HTT-AS: variants seen among roughly 807,000 people sequenced by gnomAD.
The protein encoded by HTT-AS is HTT antisense RNA (head to head).
At chr4:3,064,870 T>TTGTGAA (rs1366875148) in intron 1 of HTT-AS, among the ~76,000 whole-genome samples, 1 of 141,890 alleles carries the variant, frequency 7.0e-6, no homozygotes, top group African/African-American at 2.9e-5. Flanking sequence ...CCAATCTCTT[T>TTGTGAA]TATGAATACA....
intron 2 of HTT-AS, among the ~76,000 whole-genome samples, chr4:3,055,484 G>A (rs112429770): frequency 3.9e-5 from 6 of 152,160 alleles, no homozygotes; most frequent in African/African-American, 9.7e-5. Context: ...TTTGGATTGC[G>A]ATAGTAACTA....
chr4:3,071,878 C>T (rs951986441), intron 1 of HTT-AS, among the ~76,000 whole-genome samples: 1 of 152,108 alleles, frequency 6.6e-6, no homozygotes, highest in African/African-American at 2.4e-5. Context: ...CTTGCCAACA[C>T]CTTCATCTCG....
At chr4:3,070,773 C>T (rs114018464) in intron 1 of HTT-AS, among the ~76,000 whole-genome samples, 107 of 152,234 alleles carry the variant, frequency 7.0e-4, no homozygotes, top group African/African-American at 2.3e-3. Flanking sequence ...CTCCTTCTGC[C>T]CAGCATCTAT....
chr4:3,049,898 G>A (rs13144633), intron 2 of HTT-AS, among the ~76,000 whole-genome samples: 1 of 143,186 alleles, frequency 7.0e-6, no homozygotes, highest in Non-Finnish European at 1.5e-5. Context: ...TTAGCAATTT[G>A]TAAGTTATCA....
intron 1 of HTT-AS, among the ~76,000 whole-genome samples, chr4:3,072,232 C>T (rs1712189861): frequency 6.6e-6 from 1 of 152,248 alleles, no homozygotes; most frequent in African/African-American, 2.4e-5. Flanking sequence ...TGGCAGGATC[C>T]AGTTCCTCAT....
chr4:3,055,722 C>T (rs1252944573), intron 2 of HTT-AS, among the ~76,000 whole-genome samples: 2 of 152,126 alleles, frequency 1.3e-5, no homozygotes, highest in South Asian at 2.1e-4. Context: ...GCTCAGCTTC[C>T]CTTGATTAAT....
At chr4:3,052,571 G>T (rs1176368038) in intron 2 of HTT-AS, among the ~76,000 whole-genome samples, 1 of 152,182 alleles carries the variant, frequency 6.6e-6, no homozygotes, top group Non-Finnish European at 1.5e-5. Flanking sequence ...GGGGGTATCA[G>T]AAATTACTTC....
chr4:3,056,701 C>T (rs191076869), intron 2 of HTT-AS, among the ~76,000 whole-genome samples: 4 of 152,180 alleles, frequency 2.6e-5, no homozygotes, highest in Non-Finnish European at 5.9e-5. Flanking sequence ...TTTCTTTTGG[C>T]AAACAATTTC....
chr4:3,065,641 A>G (rs1712033527), intron 1 of HTT-AS, among the ~76,000 whole-genome samples: 1 of 152,148 alleles, frequency 6.6e-6, no homozygotes, highest in African/African-American at 2.4e-5. Context: ...AACCTACCAA[A>G]CATCATAGCT....
At chr4:3,049,947 CAT>C (rs1409520763) in intron 2 of HTT-AS, among the ~76,000 whole-genome samples, 34 of 127,874 alleles carry the variant, frequency 2.7e-4, no homozygotes, top group East Asian at 4.3e-4. Context: ...CACACACACA[CAT>C]ATACACTTTT....
intron 2 of HTT-AS, among the ~76,000 whole-genome samples, chr4:3,051,788 G>C (rs1424918767): frequency 6.7e-6 from 1 of 149,310 alleles, no homozygotes; most frequent in African/African-American, 2.6e-5. Flanking sequence ...GTGATAAAAA[G>C]GGGCGCCTTA....
intron 1 of HTT-AS, among the ~76,000 whole-genome samples, chr4:3,064,107 T>TTTTG (rs1325653663): frequency 6.6e-6 from 1 of 150,948 alleles, no homozygotes; most frequent in African/African-American, 2.4e-5. Context: ...TTTTTTTTTT[T>TTTTG]TTTTTTGAGA....
At chr4:3,051,918 CTTGTT>C (rs1453509849) in intron 2 of HTT-AS, among the ~76,000 whole-genome samples, 1 of 152,154 alleles carries the variant, frequency 6.6e-6, no homozygotes, top group African/African-American at 2.4e-5. Flanking sequence ...AGGTCTCCAT[CTTGTT>C]TTAAGTCTTT....
At chr4:3,051,084 T>TC (rs2110120059) in intron 2 of HTT-AS, among the ~76,000 whole-genome samples, 1 of 96,358 alleles carries the variant, frequency 1.0e-5, no homozygotes, top group South Asian at 3.7e-4. Context: ...GTGTGTGTTT[T>TC]AGATGGAGTT....
intron 1 of HTT-AS, among the ~76,000 whole-genome samples, chr4:3,073,469 C>T (rs887835488): frequency 2.1e-4 from 32 of 152,378 alleles, no homozygotes; most frequent in African/African-American, 7.0e-4. Context: ...CCTTGGGGGT[C>T]CTGCCGGAAG....
At chr4:3,047,344 CAAA>C (rs1449726238), downstream of HTT-AS, among the ~76,000 whole-genome samples, 2 of 152,004 alleles carry the variant, frequency 1.3e-5, no homozygotes, top group Admixed American at 6.5e-5. Context: ...CAAAACAAAA[CAAA>C]AAGAATAGTT....
chr4:3,059,392 GT>G (rs994371368), intron 2 of HTT-AS, among the ~76,000 whole-genome samples: 10 of 148,264 alleles, frequency 6.7e-5, no homozygotes, highest in South Asian at 2.1e-4. Flanking sequence ...TTTGTGAATT[GT>G]TTTTTTTTTC....
intron 1 of HTT-AS, among the ~76,000 whole-genome samples, chr4:3,065,190 C>T (rs7679861): frequency 0.027 from 4,054 of 151,856 alleles, 146 homozygotes; most frequent in African/African-American, 0.089. Flanking sequence ...TAAGGGCACA[C>T]GCTGGAGGGA....
chr4:3,059,830 C>A (rs780868913), intron 2 of HTT-AS, among the ~76,000 whole-genome samples: 9 of 152,138 alleles, frequency 5.9e-5, no homozygotes, highest in Non-Finnish European at 1.3e-4. Flanking sequence ...GCCTTGGCCT[C>A]CCAAAATGCT....
Sources: allele counts gnomAD v4.1 joint callset (sites outside exome capture counted in the v4.1 genomes callset), GRCh38; gene constraint gnomAD v4.1.1; transcripts MANE v1.5; gene names NCBI Gene and HGNC (gene_info 2026-07-23, HGNC 2026-07-21).